The following RAD51B variants were observed in gnomAD, a reference collection of about 807,000 sequenced individuals.
The protein encoded by RAD51B is DNA repair protein RAD51 homolog 2.
A neutral mutation model predicts 42.2 loss-of-function variants in RAD51B; 38 were observed. The observed-to-expected ratio is 0.90, with a 90% CI of 0.70 to 1.18. The LOEUF (loss-of-function observed/expected upper bound fraction) is 1.18. RAD51B is among the 50% of genes most tolerant of loss of function. The pLI, the probability that RAD51B is intolerant of heterozygous loss-of-function variation, is 0.00. For synonymous variants in RAD51B, 154 were observed against 145.2 expected, an observed-to-expected ratio of 1.06 and a Z score of -0.43; for missense variants, 373 against 400.7, an observed-to-expected ratio of 0.93 and a Z score of 0.59.
At chr14:68,382,227 G>A (rs1369133586) in intron 8 of RAD51B, among the ~76,000 whole-genome samples, 1 of 152,230 alleles carries the variant, frequency 6.6e-6, no homozygotes, top group Non-Finnish European at 1.5e-5. Context: ...ATGTTTAGTA[G>A]CATTTCTGCC....
chr14:68,012,050 C>A (rs188574340), intron 7 of RAD51B, among the ~76,000 whole-genome samples: 1 of 152,200 alleles, frequency 6.6e-6, no homozygotes, highest in Admixed American at 6.6e-5. Context: ...AAAATAATTT[C>A]TTTCAGACAG....
At chr14:68,030,354 A>C (rs1415930663) in intron 7 of RAD51B, among the ~76,000 whole-genome samples, 1 of 152,210 alleles carries the variant, frequency 6.6e-6, no homozygotes, top group Non-Finnish European at 1.5e-5. Flanking sequence ...AGCCACCTTC[A>C]TTAATGATCT....
intron 7 of RAD51B, among the ~76,000 whole-genome samples, chr14:68,238,448 G>A (rs2080313077): frequency 1.3e-5 from 2 of 152,122 alleles, no homozygotes; most frequent in African/African-American, 2.4e-5. Flanking sequence ...CTACAGGTAT[G>A]TACCACTGTG....
chr14:67,835,160 C>A lies in RAD51B; in HGVS notation c.279C>A (p.Ala93=). 6.2e-7 allele frequency: 1 copy of A among 1,613,880 alleles called. No homozygotes were observed. Among genetic ancestry groups the A allele is most frequent in the Non-Finnish European group, 8.5e-7 (1 of 1,179,912 alleles). Residue 93 remains alanine, a synonymous_variant, in exon 4 of 11, where the codon GCC becomes GCA. Transcript: ENST00000471583. ...CTACCCTTTCTGCTTTGGACGAAGC[C>A]CTGCATGGTGGTGTGGCTTGTGGAT... ...LSTTLSALDE[A]LHGGVACGSL...
At chr14:68,637,551 G>C (rs147124234) in intron 10 of RAD51B, among the ~76,000 whole-genome samples, 1 of 152,164 alleles carries the variant, frequency 6.6e-6, no homozygotes, top group Non-Finnish European at 1.5e-5. Context: ...ATGGGGAGAC[G>C]GAGAAGAATT....
chr14:68,293,430 C>T (rs999368443), intron 8 of RAD51B, among the ~76,000 whole-genome samples: 1 of 152,028 alleles, frequency 6.6e-6, no homozygotes, highest in Non-Finnish European at 1.5e-5. Context: ...TTTGCGTAGA[C>T]TGGTTTTCAA....
chr14:68,202,771 G>T (rs865873860), intron 7 of RAD51B, among the ~76,000 whole-genome samples: 1 of 151,484 alleles, frequency 6.6e-6, no homozygotes, highest in Non-Finnish European at 1.5e-5. Flanking sequence ...TAGTAGAGAC[G>T]GGGTTTCTCC....
chr14:68,251,695 A>G (rs981624699), intron 7 of RAD51B, among the ~76,000 whole-genome samples: 2 of 152,082 alleles, frequency 1.3e-5, no homozygotes, highest in Non-Finnish European at 2.9e-5. Context: ...ATCTTTGCTC[A>G]TTTCTCTACT....
At chr14:68,394,844 C>T (rs536917542) in intron 8 of RAD51B, among the ~76,000 whole-genome samples, 2 of 152,332 alleles carry the variant, frequency 1.3e-5, no homozygotes, top group East Asian at 1.9e-4. Context: ...GGAAGCCGCA[C>T]GTCTCCGATG....
rs535874371 is a variant in RAD51B, at chr14:68,634,643, G to A, written c.1037-16138G>A. On this transcript the variant is annotated intron_variant, in intron 10 of 11. Coordinates refer to the RAD51B transcript ENST00000488612. ...CCTGCCTGGAAAATGCCTCTCCCCC[G>A]TATACCACCTTGGCGGCCACCACTA... is the stretch of plus-strand genomic sequence containing the variant. 2.4e-3 allele frequency among the ~76,000 whole-genome samples: 372 copies of A among 152,052 alleles called. 4 individuals are homozygous for A. Among genetic ancestry groups the A allele is most frequent in the Non-Finnish European group, 1.7e-3 (115 of 67,958 alleles).
chr14:68,226,222 C>T (rs566069175), intron 7 of RAD51B, among the ~76,000 whole-genome samples: 109 of 152,226 alleles, frequency 7.2e-4, no homozygotes, highest in East Asian at 1.9e-4. Flanking sequence ...CTCTGTGCTT[C>T]GGTTTTCTAA....
chr14:67,824,950 T>C (rs2040765551), intron 2 of RAD51B, among the ~76,000 whole-genome samples: 1 of 151,172 alleles, frequency 6.6e-6, no homozygotes, highest in African/African-American at 2.4e-5. Context: ...TGGTAGTGAG[T>C]GCCTGTAGTC....
At chr14:68,173,063 A>G (rs1566703523) in intron 7 of RAD51B, among the ~76,000 whole-genome samples, 1 of 152,176 alleles carries the variant, frequency 6.6e-6, no homozygotes, top group South Asian at 2.1e-4. Flanking sequence ...CCTAGTTTGT[A>G]AAGTATCATT....
At chr14:68,120,790 A>G (rs546017730) in intron 7 of RAD51B, among the ~76,000 whole-genome samples, 2 of 152,086 alleles carry the variant, frequency 1.3e-5, no homozygotes, top group African/African-American at 4.8e-5. Context: ...CCCATTTAGA[A>G]CCCAGGCTCT....
chr14:68,144,028 G>A (rs2078198976), intron 7 of RAD51B, among the ~76,000 whole-genome samples: 1 of 151,706 alleles, frequency 6.6e-6, no homozygotes, highest in Admixed American at 6.6e-5. Context: ...AGGTTCTTTG[G>A]CCAGGCTGCT....
At chr14:67,850,162 AT>A (rs574336478) in intron 4 of RAD51B, among the ~76,000 whole-genome samples, 11 of 151,986 alleles carry the variant, frequency 7.2e-5, no homozygotes, top group Non-Finnish European at 1.6e-4. Context: ...TGCCTGGCTA[AT>A]TTTTTAATTA....
At position 68,194,529 on chromosome 14, in the gene RAD51B, C is replaced by T. The variant is rs373215099; in HGVS notation, c.757-97355C>T. 1.6e-4 allele frequency among the ~76,000 whole-genome samples: 25 copies of T among 152,282 alleles called. No homozygotes were observed. In the South Asian group the frequency reaches 3.3e-3, roughly 20 times the overall value. On this transcript the variant is annotated intron_variant, in intron 7 of 10. Transcript: ENST00000471583. The stretch of plus-strand genomic sequence containing the variant: ...TAACTACAAACCAGAAGGCCAGGGA[C>T]GGATTACTGTGAACTCAGCTGCTGT...
At chr14:68,424,538 T>TCCATACTG (rs979923916) in intron 9 of RAD51B, among the ~76,000 whole-genome samples, 2 of 152,242 alleles carry the variant, frequency 1.3e-5, no homozygotes, top group Non-Finnish European at 2.9e-5. Flanking sequence ...GATATACTGT[T>TCCATACTG]CCATACTGAC....
At chr14:68,384,731 C>T (rs186375829) in intron 8 of RAD51B, among the ~76,000 whole-genome samples, 1 of 152,194 alleles carries the variant, frequency 6.6e-6, no homozygotes, top group East Asian at 1.9e-4. Context: ...GTTTCCATAC[C>T]CAGCTGTCTA....
Sources: allele counts gnomAD v4.1 joint callset (sites outside exome capture counted in the v4.1 genomes callset), GRCh38; gene constraint gnomAD v4.1.1; transcripts MANE v1.5; gene names NCBI Gene and HGNC (gene_info 2026-07-23, HGNC 2026-07-21).